STARD10: variants seen among roughly 807,000 people sequenced by gnomAD.
STARD10 encodes the protein StAR related lipid transfer domain containing 10.
In STARD10, 24 loss-of-function variants were observed where a neutral mutation model predicts 36.0. The ratio of observed to expected loss-of-function variants is 0.67; its 90% CI spans 0.48 to 0.94. The LOEUF is 0.94. Among genes scored for constraint, STARD10 ranks in the 40% least tolerant of loss-of-function variants. STARD10 has a pLI of 0.00. For missense variants in STARD10, 335 were observed against 396.6 expected, an observed-to-expected ratio of 0.84 and a Z score of 1.32; for synonymous variants, 156 against 161.9, an observed-to-expected ratio of 0.96 and a Z score of 0.28.
At position 72,759,332 on chromosome 11, in the gene STARD10, A is replaced by G. The variant is rs1858687124; in HGVS notation, c.257T>C (p.Leu86Pro). 6.2e-7 allele frequency: 1 copy of G among 1,614,070 alleles called. No homozygotes were observed. Among genetic ancestry groups the G allele is most frequent in the Non-Finnish European group, 8.5e-7 (1 of 1,180,042 alleles). The change falls in exon 3 of 7, where the codon CTA becomes CCA. Residue 86 changes from leucine to proline, a missense_variant. Coordinates refer to ENST00000334805, the MANE Select transcript of STARD10 (RefSeq NM_006645.3). ...DVPAETLYDV[L>P]HDIEYRKKWD... The stretch of plus-strand genomic sequence containing the variant: ...TTTCTTGCGGTACTCAATGTCGTGT[A>G]GGACGTCGTAGAGTGTCTCGGCTGG...
intron 2 of STARD10, 67 bp from the exon 3 acceptor site, chr11:72,759,448 G>A: frequency 1.3e-6 from 2 of 1,578,068 alleles, no homozygotes; most frequent in Non-Finnish European, 1.7e-6. Context: ...GGGACCAGAA[G>A]GCAGACAGGC....
chr11:72,789,514 A>T (rs943902888), intron 1 of STARD10, among the ~76,000 whole-genome samples: 4 of 152,108 alleles, frequency 2.6e-5, no homozygotes, highest in Non-Finnish European at 5.9e-5. Context: ...TGTCAATGGC[A>T]TTTGCTCCTT....
intron 1 of STARD10, among the ~76,000 whole-genome samples, chr11:72,791,186 G>T (rs1268097243): frequency 6.6e-6 from 1 of 152,140 alleles, no homozygotes; most frequent in Non-Finnish European, 1.5e-5. Context: ...CTCAGAGAGG[G>T]GCAGGGACTC....
At chr11:72,787,084 C>CAAAAAA (rs765529093) in intron 1 of STARD10, among the ~76,000 whole-genome samples, 1 of 72,016 alleles carries the variant, frequency 1.4e-5, no homozygotes. Context: ...ACCCTGTGTC[C>CAAAAAA]AAAAAAAAAA....
In STARD10 at chr11:72,759,369, A is replaced by T. The variant is rs756433640; in HGVS notation, c.220T>A (p.Cys74Ser). ...AGTGTCTCGGCTGGCACATCACAGC[A>T]CTCCATCCGGCACTGCAGACAAGAT... ...TLHKIKCRME[C>S]CDVPAETLYD... The change falls in exon 3 of 7, where the codon TGC (cysteine) becomes AGC (serine). Residue 74 changes from cysteine to serine, a missense_variant. Transcript: ENST00000334805. 16 of 1,612,994 alleles carry T rather than the reference A, an allele frequency of 9.9e-6. No individual in the cohort carries two copies. Among genetic ancestry groups the T allele is most frequent in the Non-Finnish European group, 1.4e-5 (16 of 1,179,784 alleles).
chr11:72,768,358 G>C (rs1421222037), intron 2 of STARD10, among the ~76,000 whole-genome samples: 1 of 152,158 alleles, frequency 6.6e-6, no homozygotes, highest in Non-Finnish European at 1.5e-5. Flanking sequence ...GCAAGCATCA[G>C]GCCAAGCTGA....
chr11:72,763,736 G>A (rs1263585403), intron 2 of STARD10, among the ~76,000 whole-genome samples: 2 of 152,184 alleles, frequency 1.3e-5, no homozygotes, highest in African/African-American at 4.8e-5. Flanking sequence ...GTGAGAAAGG[G>A]GGTTGAAGAA....
intron 2 of STARD10, among the ~76,000 whole-genome samples, chr11:72,767,247 G>A (rs138535499): frequency 2.0e-5 from 3 of 152,220 alleles, no homozygotes; most frequent in Non-Finnish European, 2.9e-5. Context: ...TCAGCACCCC[G>A]CAAAGGAGAC....
At chr11:72,790,491 G>A (rs1437264938) in intron 1 of STARD10, 1 of 152,190 alleles carries the variant, frequency 6.6e-6, no homozygotes, top group Non-Finnish European at 1.5e-5. Context: ...AGGTGGGCCG[G>A]GGGGGTATCT....
rs1713412765 is a variant in STARD10 at position 72,754,996 on chromosome 11, T to A, written c.777A>T (p.Ser259=). 2 of 1,612,814 alleles carry A rather than the reference T, an allele frequency of 1.2e-6. No homozygotes were observed. Among genetic ancestry groups the A allele is most frequent in the South Asian group, 2.2e-5 (2 of 90,830 alleles). The change falls in exon 7 of 7, where the codon TCA becomes TCT. Residue 259 remains serine, a synonymous_variant. Transcript: ENST00000334805. The part of the protein sequence containing the change: ...LSELSVQHAD[S]LENIDESAVA... Reference sequence around the variant, plus strand: ...CCGCGCTCTCGTCGATGTTCTCCAGTGAGTCCGCATGCTGCACCGACAGCT... The same window carrying A: ...CCGCGCTCTCGTCGATGTTCTCCAGAGAGTCCGCATGCTGCACCGACAGCT...
At chr11:72,778,580 CT>C (rs562757326) in intron 2 of STARD10, among the ~76,000 whole-genome samples, 206 of 152,304 alleles carry the variant, frequency 1.4e-3, no homozygotes, top group African/African-American at 4.8e-3. Context: ...CTTCCTGGGT[CT>C]GGGCTCTGCT....
At position 72,793,301 on chromosome 11, in the gene STARD10, C is replaced by T. The variant is rs1336150570; in HGVS notation, c.-540G>A. On this transcript the variant is annotated 5_prime_UTR_variant, in exon 1 of 7. Transcript: ENST00000334805. ...CCTTTATATACCGCGTGGGTAAATT[C>T]CTGAAAGTAAACTAAGCTGTTTTCA... 1.3e-5 allele frequency: 2 copies of T among 152,322 alleles called. No individual in the cohort carries two copies. Among genetic ancestry groups the T allele is most frequent in the Admixed American group, 1.3e-4 (2 of 15,294 alleles). The allele number at this position is 152,322 out of a possible 1,614,324, so 9.4% of individuals were successfully genotyped here.
intron 1 of STARD10, among the ~76,000 whole-genome samples, chr11:72,786,735 C>G (rs531021323): frequency 5.8e-4 from 88 of 152,332 alleles, no homozygotes; most frequent in African/African-American, 2.0e-3. Context: ...TTGATCATGC[C>G]AGGCCACACA....
chr11:72,759,853 C>T (rs1180582855), intron 2 of STARD10, among the ~76,000 whole-genome samples: 1 of 151,530 alleles, frequency 6.6e-6, no homozygotes. Flanking sequence ...GGCCATACCA[C>T]CTGTCCTCTT....
intron 3 of STARD10, 50 bp from the exon 4 acceptor site, chr11:72,758,683 CA>C: frequency 7.1e-7 from 1 of 1,410,954 alleles, no homozygotes. Context: ...CACCTGCCTA[CA>C]AGGGAGGGTG....
chr11:72,760,286 G>C (rs1031445355), intron 2 of STARD10, among the ~76,000 whole-genome samples: 1 of 152,042 alleles, frequency 6.6e-6, no homozygotes, highest in African/African-American at 2.4e-5. Flanking sequence ...GAGTACAGTG[G>C]CGTGATCTCG....
intron 1 of STARD10, among the ~76,000 whole-genome samples, chr11:72,792,175 G>C (rs1017229904): frequency 2.7e-5 from 4 of 150,030 alleles, no homozygotes; most frequent in Admixed American, 2.0e-4. Context: ...CCAGCCTCCC[G>C]AGTAGCTGGG....
chr11:72,784,374 T>G (rs1296555724), intron 1 of STARD10, among the ~76,000 whole-genome samples: 1 of 152,156 alleles, frequency 6.6e-6, no homozygotes, highest in Non-Finnish European at 1.5e-5. Flanking sequence ...GTGACAGGCC[T>G]TCTCTGAGCC....
chr11:72,771,082 A>G (rs1013302109), intron 2 of STARD10, among the ~76,000 whole-genome samples: 3 of 152,172 alleles, frequency 2.0e-5, no homozygotes, highest in African/African-American at 7.2e-5. Context: ...AGGAGGGACA[A>G]TTATACTCAT....
Sources: gnomAD v4.1 joint callset for allele counts (sites outside exome capture counted in the v4.1 genomes callset) on GRCh38, gnomAD v4.1.1 for gene constraint, MANE v1.5 for transcripts, NCBI Gene and HGNC (gene_info 2026-07-23, HGNC 2026-07-21) for gene names.